Variants in KLF11 observed in about 807,000 individuals in gnomAD.
KLF11 encodes Krueppel-like factor 11.
In KLF11, 26 loss-of-function variants were observed where a neutral mutation model predicts 29.9. That is an observed-to-expected ratio of 0.87 (90% CI 0.64 to 1.21). The LOEUF (loss-of-function observed/expected upper bound fraction) is 1.21. Among genes scored for constraint, KLF11 ranks in the 50% most tolerant of loss-of-function variants. KLF11 has a pLI of 0.00. For missense variants in KLF11, 778 were observed against 665.7 expected (o/e 1.17, Z -1.86); for synonymous variants, 318 against 257.4 (o/e 1.24, Z -2.25).
Position 10,043,580 on chromosome 2 carries a change from G to A in KLF11, c.-137G>A. The A allele has an allele frequency of 2.2e-6, 1 of 454,666 alleles. No individual in the cohort carries two copies. The highest frequency in any genetic ancestry group is 2.9e-6 in the Non-Finnish European group (1 of 348,160). 28.2% of individuals were successfully genotyped at this position (454,666 alleles called of 1,614,324 possible). On this transcript the variant is annotated 5_prime_UTR_variant, in exon 1 of 4. Coordinates refer to ENST00000305883, the MANE Select transcript of KLF11 (RefSeq NM_003597.5). ...GAGGGCCGCGCCGGGGCAGAGCCGC[G>A]CGGGCGGGCGAGGCGCGTGCCGGCC... is the stretch of plus-strand genomic sequence containing the variant.
At chr2:10,044,557 C>T (rs115926946) in intron 1 of KLF11, 15,799 of 460,522 alleles carry the variant, frequency 0.034, 264 homozygotes, top group Middle Eastern at 0.05. Flanking sequence ...TGTTTGATCT[C>T]GGGGAACCTC....
In KLF11 at chr2:10,046,213, A is replaced by G. The variant is rs774529711; in HGVS notation, c.106A>G (p.Thr36Ala). Residue 36 changes from threonine (T) to alanine (A), a missense_variant, in exon 2 of 4, where the codon ACT becomes GCT. By Grantham distance (58) the Thr-to-Ala change is moderately conservative. Transcript: ENST00000305883. ...ERKRHDSERS[T>A]CSILEQTDME... is the part of the protein sequence containing the mutation. The stretch of plus-strand genomic sequence containing the variant: ...GAAGCGGCATGACAGCGAAAGGTCT[A>G]CTTGCAGCATCTTGGAGCAGACAGA... 3 of 1,614,194 alleles carry G rather than the reference A, an allele frequency of 1.9e-6. No homozygotes were observed. The highest frequency in any genetic ancestry group is 2.5e-6 in the Non-Finnish European group (3 of 1,180,038).
rs1222855171 is a variant in KLF11, at chr2:10,043,699, T to TCCCGGCCGG, written c.-15_-7dup. On this transcript the variant is annotated 5_prime_UTR_variant, in exon 1 of 4. Coordinates refer to ENST00000305883, the MANE Select transcript of KLF11 (RefSeq NM_003597.5). ...TCACGCCCCGCGGCCGCTTTGTTGC[T>TCCCGGCCGG]CCCGGCCGGCCTGCACGATGCACAC... 7.6e-7 allele frequency: 1 copy of TCCCGGCCGG among 1,320,642 alleles called. No individual in the cohort carries two copies. Among genetic ancestry groups the TCCCGGCCGG allele is most frequent in the Non-Finnish European group, 9.8e-7 (1 of 1,017,474 alleles). The allele number at this position is 1,320,642 out of a possible 1,614,324, so 81.8% of individuals were successfully genotyped here.
chr2:10,043,797 A>T, intron 1 of KLF11, 39 bp downstream of exon 1: 1 of 1,343,802 alleles, frequency 7.4e-7, no homozygotes. Context: ...TACTCGTCTG[A>T]GCGAGGGGCG....
chr2:10,051,769 G>C (rs537685242), intron 3 of KLF11, among the ~76,000 whole-genome samples: 1 of 151,826 alleles, frequency 6.6e-6, no homozygotes, highest in African/African-American at 2.4e-5. Flanking sequence ...CGCCCGCCTC[G>C]GCCTCCCAAA....
chr2:10,043,724 C>A lies in KLF11; in HGVS notation c.8C>A (p.Thr3Lys). The change falls in exon 1 of 4, where the codon ACG (threonine) becomes AAG (lysine). Residue 3 changes from threonine (T) to lysine (K), a missense_variant. By Grantham distance (78) the Thr-to-Lys change is moderately conservative (BLOSUM62 -1). Transcript: ENST00000305883. Reference protein sequence around the residue: MHTPDFAGPDDAR... With the variant: MHKPDFAGPDDAR... ...TCCCGGCCGGCCTGCACGATGCACACGCCGGACTTCGCAGGCCCAGACGAC... is the reference window on the plus strand; with the variant it reads ...TCCCGGCCGGCCTGCACGATGCACAAGCCGGACTTCGCAGGCCCAGACGAC... 7.3e-7 allele frequency: 1 copy of A among 1,377,212 alleles called. No individual in the cohort carries two copies. The highest frequency in any genetic ancestry group is 1.3e-5 in the South Asian group (1 of 78,604). 85.3% of individuals were successfully genotyped at this position (1,377,212 alleles called of 1,614,324 possible).
rs1272606986 is a variant in KLF11, at chr2:10,047,716, G to C, written c.379G>C (p.Val127Leu). 6.2e-7 allele frequency: 1 copy of C among 1,613,598 alleles called. No homozygotes were observed. Among genetic ancestry groups the C allele is most frequent in the Non-Finnish European group, 8.5e-7 (1 of 1,180,038 alleles). ...PSTRTPVSPQ[V>L]TDSKACTATD... Reference sequence around the variant, plus strand: ...GACAAGGACACCTGTTTCTCCCCAAGTAACAGATTCCAAAGCATGTACAGC... The same window carrying C: ...GACAAGGACACCTGTTTCTCCCCAACTAACAGATTCCAAAGCATGTACAGC... Residue 127 changes from valine (V) to leucine (L), a missense_variant, in exon 3 of 4, where the codon GTA (valine) becomes CTA (leucine). Transcript: ENST00000305883.
intron 3 of KLF11, among the ~76,000 whole-genome samples, chr2:10,050,782 G>A (rs1661378573): frequency 6.6e-6 from 1 of 151,830 alleles, no homozygotes; most frequent in Non-Finnish European, 1.5e-5. Flanking sequence ...GAATTTTCAT[G>A]AGAAGTAGAA....
Position 10,043,614 on chromosome 2 carries a change from T to G in KLF11, c.-103T>G. 3 of 814,226 alleles carry G rather than the reference T, an allele frequency of 3.7e-6. No individual in the cohort carries two copies. Among genetic ancestry groups the G allele is most frequent in the Non-Finnish European group, 4.4e-6 (3 of 677,502 alleles). The allele number at this position is 814,226 out of a possible 1,614,324, so 50.4% of individuals were successfully genotyped here. ...CGAGGCGCGTGCCGGCCGCAGGAGC[T>G]CCGGGTTGCCGCCGCCGCCGCCGCC... On this transcript the variant is annotated 5_prime_UTR_variant, in exon 1 of 4. Coordinates refer to ENST00000305883, the MANE Select transcript of KLF11 (RefSeq NM_003597.5).
At position 10,044,468 on chromosome 2, in the gene KLF11, G is replaced by C. The variant is rs1288156457; in HGVS notation, c.42+710G>C. ...GCCCGTGTGGTGAGTCGGCCTCGGC[G>C]CCCGGTTCTGTGACATCACAGGGGG... On this transcript the variant is annotated intron_variant, in intron 1 of 3. Coordinates refer to ENST00000305883, the MANE Select transcript of KLF11 (RefSeq NM_003597.5). 5.1e-6 allele frequency: 5 copies of C among 984,148 alleles called. No individual in the cohort carries two copies. In the South Asian group the frequency reaches 1.4e-4, roughly 28 times the overall value. 61.0% of individuals were successfully genotyped at this position (984,148 alleles called of 1,614,324 possible). A position where few individuals can be genotyped will look rare whatever the true frequency, so the allele number is the denominator to read the frequency against.
chr2:10,047,447 T>C (rs1164153314), intron 2 of KLF11, among the ~76,000 whole-genome samples: 1 of 152,172 alleles, frequency 6.6e-6, no homozygotes, highest in Non-Finnish European at 1.5e-5. Flanking sequence ...TGGGCTCTTG[T>C]GTAGGTTTGG....
In KLF11 at chr2:10,052,204, A is replaced by G. The variant is rs185028724; in HGVS notation, c.1259-23A>G. On this transcript the variant is annotated intron_variant, in intron 3 of 3. Transcript: ENST00000305883. Reference sequence around the variant, plus strand: ...GTGCTTAGCGTTTCCTTTCTCTTTAATATGTATTTTCTCACCTCACAGGGG... The same window carrying G: ...GTGCTTAGCGTTTCCTTTCTCTTTAGTATGTATTTTCTCACCTCACAGGGG... 32 of 1,612,636 alleles carry G rather than the reference A, an allele frequency of 2.0e-5. No homozygotes were observed. The East Asian group carries it at 3.1e-4, about 16-fold the overall frequency.
chr2:10,044,333 T>TGGG (rs76971231), intron 1 of KLF11: 2 of 985,356 alleles, frequency 2.0e-6, no homozygotes, highest in African/African-American at 3.5e-5. Flanking sequence ...ACGCGAGCGT[T>TGGG]GGGGGCCCTA....
Position 10,048,265 on chromosome 2 carries a change from T to TC in KLF11, c.929dup (p.Val311CysfsTer69). 1 of 1,609,340 alleles carries TC rather than the reference T, an allele frequency of 6.2e-7. No individual in the cohort carries two copies. The highest frequency in any genetic ancestry group is 8.5e-7 in the Non-Finnish European group (1 of 1,176,974). ...TTTTTTGAAGCCCCCTCCCCAGTTG[T>TC]CTGTGGGGACTGTGAGACCCATCCT... On this transcript the variant is annotated frameshift_variant, in exon 3 of 4. Coordinates refer to ENST00000305883, the MANE Select transcript of KLF11 (RefSeq NM_003597.5). LOFTEE classifies it high-confidence loss of function.
rs1371832768 is a variant in KLF11 at position 10,052,428 on chromosome 2, C to T, written c.1460C>T (p.Ala487Val). 1.9e-5 allele frequency: 31 copies of T among 1,614,070 alleles called. No homozygotes were observed. Among genetic ancestry groups the T allele is most frequent in the African/African-American group, 2.7e-5 (2 of 74,934 alleles). Residue 487 changes from alanine to valine, a missense_variant, in exon 4 of 4, where the codon GCA becomes GTA. Physicochemically the swap from Ala to Val is moderately conservative, Grantham distance 64. Coordinates refer to ENST00000305883, the MANE Select transcript of KLF11 (RefSeq NM_003597.5). ...ACCAAGAAGATCCCAGGCTGGCAGG[C>T]AGAGGTTGGCAAGCTGAACAGAATC... ...MTTKKIPGWQ[A>V]EVGKLNRIAS...
rs1162318585 is a variant in KLF11, at chr2:10,052,710, G to GT, written c.*210dup. The GT allele has an allele frequency of 1.8e-5, 8 of 434,534 alleles. No individual in the cohort carries two copies. The highest frequency in any genetic ancestry group is 4.8e-5 in the Admixed American group (1 of 20,714). 26.9% of individuals were successfully genotyped at this position (434,534 alleles called of 1,614,324 possible). ...TTCAGTATCTTTTGTAGTTTCAGAA[G>GT]TTTTTTTGTTTTGGTTTTTTTTTTA... On this transcript the variant is annotated 3_prime_UTR_variant, in exon 4 of 4. Coordinates refer to ENST00000305883, the MANE Select transcript of KLF11 (RefSeq NM_003597.5).
At chr2:10,043,866 G>T in intron 1 of KLF11, 108 bp downstream of exon 1, 1 of 1,129,404 alleles carries the variant, frequency 8.9e-7, no homozygotes, top group East Asian at 6.1e-5. Context: ...GGGGCGTGCA[G>T]GGCTTCGCTG....
At position 10,048,260 on chromosome 2, in the gene KLF11, AGTTG is replaced by A; in HGVS notation, c.924_927del (p.Gln308HisfsTer6). Reference sequence around the variant, plus strand: ...CCAGCTTTTTTGAAGCCCCCTCCCCAGTTGTCTGTGGGGACTGTGAGACCCATCC... The same window carrying A: ...CCAGCTTTTTTGAAGCCCCCTCCCCATCTGTGGGGACTGTGAGACCCATCC... On this transcript the variant is annotated frameshift_variant, in exon 3 of 4. Coordinates refer to ENST00000305883, the MANE Select transcript of KLF11 (RefSeq NM_003597.5). LOFTEE classifies it high-confidence loss of function. 6.2e-7 allele frequency: 1 copy of A among 1,610,068 alleles called. No homozygotes were observed. Among genetic ancestry groups the A allele is most frequent in the Non-Finnish European group, 8.5e-7 (1 of 1,177,458 alleles).
At position 10,052,859 on chromosome 2, in the gene KLF11, G is replaced by T; in HGVS notation, c.*352G>T. ...TTGATGTTTTGTAGAAATAAGACAG[G>T]GTACTAATTTTTATACTGGTTTTTA... On this transcript the variant is annotated 3_prime_UTR_variant, in exon 4 of 4. Transcript: ENST00000305883. 1 of 333,708 alleles carries T rather than the reference G, an allele frequency of 3.0e-6. No homozygotes were observed. Among genetic ancestry groups the T allele is most frequent in the Non-Finnish European group, 5.4e-6 (1 of 184,220 alleles). The allele number at this position is 333,708 out of a possible 1,614,324, so 20.7% of individuals were successfully genotyped here.
Sources: gnomAD v4.1 joint callset for allele counts (sites outside exome capture counted in the v4.1 genomes callset) on GRCh38, gnomAD v4.1.1 for gene constraint, MANE v1.5 for transcripts, NCBI Gene and HGNC (gene_info 2026-07-23, HGNC 2026-07-21) for gene names.